Variants in CRYBG3 observed in about 807,000 individuals in gnomAD.
CRYBG3 encodes the protein crystallin beta-gamma domain containing 3, also known as very large A-kinase anchor protein.
A neutral mutation model predicts 244.2 loss-of-function variants in CRYBG3; 127 were observed. The ratio of observed to expected loss-of-function variants is 0.52; its 90% CI spans 0.45 to 0.60. The LOEUF (loss-of-function observed/expected upper bound fraction) is 0.60, where lower values mean the gene tolerates loss of function less well. Among genes scored for constraint, CRYBG3 ranks in the 20% least tolerant of loss-of-function variants. The pLI, the probability that CRYBG3 is intolerant of heterozygous loss-of-function variation, is 0.00. For synonymous variants in CRYBG3, 1,132 were observed against 1,195.8 expected (o/e 0.95, Z 1.10); for missense variants, 3,325 against 3,442.5 (o/e 0.97, Z 0.85).
chr3:97,826,942 C>T (rs1256830917), intron 1 of CRYBG3, among the ~76,000 whole-genome samples: 2 of 152,178 alleles, frequency 1.3e-5, no homozygotes, highest in East Asian at 3.8e-4. Flanking sequence ...TTTAACTGGG[C>T]TTTCAAAATA....
intron 3 of CRYBG3, among the ~76,000 whole-genome samples, chr3:97,871,355 CG>C (rs1387002308): frequency 6.6e-6 from 1 of 152,128 alleles, no homozygotes; most frequent in Non-Finnish European, 1.5e-5. Flanking sequence ...TCATTTAAAA[CG>C]TTTCCAAGTT....
intron 2 of CRYBG3, among the ~76,000 whole-genome samples, chr3:97,859,383 C>T (rs995216242): frequency 6.6e-6 from 1 of 152,176 alleles, no homozygotes; most frequent in African/African-American, 2.4e-5. Context: ...CCAGGTGCCA[C>T]AGCACCCATC....
intron 3 of CRYBG3, among the ~76,000 whole-genome samples, chr3:97,864,934 G>A (rs79198684): frequency 4.7e-4 from 71 of 152,156 alleles, no homozygotes; most frequent in Non-Finnish European, 8.7e-4. Flanking sequence ...GTCAGGACAG[G>A]CAATGTATTC....
In CRYBG3 at chr3:97,915,741, G is replaced by A. The variant is rs1166636303; in HGVS notation, c.8241+5G>A. 3 of 1,598,736 alleles carry A rather than the reference G, an allele frequency of 1.9e-6. No homozygotes were observed. Among genetic ancestry groups the A allele is most frequent in the African/African-American group, 2.7e-5 (2 of 74,634 alleles). ...TCTCTCAAGCCCATTGACTATGTAA[G>A]TACTTTGCAAAATGCATACTTATAA... On this transcript the variant is annotated splice_donor_5th_base_variant and intron_variant, in intron 17 of 21. Coordinates refer to ENST00000389622, the MANE Select transcript of CRYBG3 (RefSeq NM_153605.4).
chr3:97,904,498 T>C (rs935625878), intron 15 of CRYBG3, among the ~76,000 whole-genome samples: 1 of 152,144 alleles, frequency 6.6e-6, no homozygotes, highest in African/African-American at 2.4e-5. Context: ...ATCTGAAATA[T>C]GCTTCACTGG....
At chr3:97,903,400 T>A (rs1250941598) in intron 15 of CRYBG3, among the ~76,000 whole-genome samples, 1 of 152,164 alleles carries the variant, frequency 6.6e-6, no homozygotes, top group Non-Finnish European at 1.5e-5. Context: ...AAGAAAGCCT[T>A]TATGGTTAAT....
In CRYBG3 at chr3:97,943,438, C is replaced by T. The variant is rs1452762153; in HGVS notation, c.*124C>T. 3 of 643,670 alleles carry T rather than the reference C, an allele frequency of 4.7e-6. No homozygotes were observed. The highest frequency in any genetic ancestry group is 8.2e-6 in the Non-Finnish European group (3 of 367,994). The allele number at this position is 643,670 out of a possible 1,614,324, so 39.9% of individuals were successfully genotyped here. On this transcript the variant is annotated 3_prime_UTR_variant, in exon 22 of 22. Coordinates refer to ENST00000389622, the MANE Select transcript of CRYBG3 (RefSeq NM_153605.4). ...CTCCTGGATCACTGAGCAGAATGAACATTTTCTCCAGCCTCTGAGACTATC... is the reference window on the plus strand; with the variant it reads ...CTCCTGGATCACTGAGCAGAATGAATATTTTCTCCAGCCTCTGAGACTATC...
At chr3:97,834,926 G>A (rs1294381977) in intron 1 of CRYBG3, among the ~76,000 whole-genome samples, 2 of 151,998 alleles carry the variant, frequency 1.3e-5, no homozygotes, top group Non-Finnish European at 2.9e-5. Flanking sequence ...ATAAGAGGAC[G>A]AAAAAGCAAA....
intron 3 of CRYBG3, among the ~76,000 whole-genome samples, chr3:97,869,017 A>C (rs1318689151): frequency 6.6e-6 from 1 of 152,020 alleles, no homozygotes; most frequent in Non-Finnish European, 1.5e-5. Context: ...GAAAAAAAAA[A>C]ACCTGTCATT....
At chr3:97,858,149 G>A (rs1215259492) in intron 2 of CRYBG3, among the ~76,000 whole-genome samples, 1 of 137,202 alleles carries the variant, frequency 7.3e-6, no homozygotes, top group Non-Finnish European at 1.5e-5. Context: ...GCTTTGCTGG[G>A]TATGTTTTTA....
At chr3:97,853,587 C>A (rs941539637) in intron 2 of CRYBG3, among the ~76,000 whole-genome samples, 1 of 152,096 alleles carries the variant, frequency 6.6e-6, no homozygotes, top group Non-Finnish European at 1.5e-5. Flanking sequence ...TGTGGGATTG[C>A]TGGATAAAAT....
In CRYBG3 at chr3:97,874,296, G is replaced by T. The variant is rs1406556298; in HGVS notation, c.3102G>T (p.Val1034=). 6.5e-7 allele frequency: 1 copy of T among 1,528,646 alleles called. No individual in the cohort carries two copies. The highest frequency in any genetic ancestry group is 2.0e-5 in the Admixed American group (1 of 48,938). 94.7% of individuals were successfully genotyped at this position (1,528,646 alleles called of 1,614,324 possible). Residue 1034 remains valine (V), a synonymous_variant, in exon 4 of 22, where the codon GTG becomes GTT. Transcript: ENST00000389622. ...CAAGCTTCCTTAAAGTACCTTCTGTGCTGAAATTGGAAAAGAAATCCTCAT... is the reference window on the plus strand; with the variant it reads ...CAAGCTTCCTTAAAGTACCTTCTGTTCTGAAATTGGAAAAGAAATCCTCAT... ...EDSSFLKVPS[V]LKLEKKSSSY...
At chr3:97,841,225 TATATATGTGTGTATATAC>T (rs1356145689) in intron 1 of CRYBG3, among the ~76,000 whole-genome samples, 5 of 150,416 alleles carry the variant, frequency 3.3e-5, no homozygotes, top group African/African-American at 7.3e-5. Context: ...TATGTATATG[TATATATGTGTGTATATAC>T]ATATATGTAT....
In CRYBG3 at chr3:97,899,267, A is replaced by G. The variant is rs2039676700; in HGVS notation, c.7971+4A>G. 1.2e-6 allele frequency: 2 copies of G among 1,610,798 alleles called. No homozygotes were observed. The highest frequency in any genetic ancestry group is 8.5e-7 in the Non-Finnish European group (1 of 1,179,056). ...GTCGATACGGCCAATCCAACTGGTG[A>G]GTGAAGTATGAACATAGCCAGTGCT... On this transcript the variant is annotated splice_donor_region_variant and intron_variant, in intron 14 of 21. Transcript: ENST00000389622.
At chr3:97,861,360 C>T (rs1345389164) in intron 2 of CRYBG3, among the ~76,000 whole-genome samples, 1 of 152,048 alleles carries the variant, frequency 6.6e-6, no homozygotes, top group East Asian at 1.9e-4. Flanking sequence ...CTTGTAAGCC[C>T]CCTACAGTGA....
intron 17 of CRYBG3, among the ~76,000 whole-genome samples, chr3:97,927,425 G>T (rs1283974945): frequency 1.3e-5 from 2 of 151,972 alleles, no homozygotes; most frequent in Non-Finnish European, 2.9e-5. Flanking sequence ...ACTCAAGATG[G>T]ATTAAAGACT....
chr3:97,877,293 C>G lies in CRYBG3; in HGVS notation c.6099C>G (p.Ser2033Arg). 1 of 1,614,110 alleles carries G rather than the reference C, an allele frequency of 6.2e-7. No homozygotes were observed. The highest frequency in any genetic ancestry group is 2.2e-5 in the East Asian group (1 of 44,866). ...SVLFHDTSAD[S>R]MPVLACERSE... Reference sequence around the variant, plus strand: ...TGTTTCATGATACGTCCGCTGACAGCATGCCTGTTCTGGCATGTGAAAGGT... The same window carrying G: ...TGTTTCATGATACGTCCGCTGACAGGATGCCTGTTCTGGCATGTGAAAGGT... Residue 2033 changes from serine to arginine, a missense_variant, in exon 4 of 22, where the codon AGC becomes AGG. Physicochemically the swap from Ser to Arg is moderately radical, Grantham distance 110 (BLOSUM62 -1). Coordinates refer to ENST00000389622, the MANE Select transcript of CRYBG3 (RefSeq NM_153605.4).
chr3:97,887,390 G>C (rs1034105553), intron 8 of CRYBG3, among the ~76,000 whole-genome samples: 27 of 152,114 alleles, frequency 1.8e-4, no homozygotes, highest in Admixed American at 1.3e-4. Flanking sequence ...CTTTGATGAT[G>C]GTTGGTATAC....
intron 17 of CRYBG3, among the ~76,000 whole-genome samples, chr3:97,930,289 A>G (rs543539504): frequency 1.4e-4 from 22 of 152,194 alleles, no homozygotes; most frequent in African/African-American, 5.3e-4. Flanking sequence ...CTCAACAAGT[A>G]GATGTGTGTA....
Sources: allele counts gnomAD v4.1 joint callset (sites outside exome capture counted in the v4.1 genomes callset), GRCh38; gene constraint gnomAD v4.1.1; transcripts MANE v1.5; gene names NCBI Gene and HGNC (gene_info 2026-07-23, HGNC 2026-07-21).